TARBP1: variants seen among roughly 807,000 people sequenced by gnomAD.
TARBP1 encodes tRNA guanosine 2 -O-methyltransferase TARBP1, also known as tRNA (guanosine(18)-2'-O)-methyltransferase TARBP1.
Under a neutral mutation model 178.6 loss-of-function variants are expected in TARBP1, and 144 were observed. The ratio of observed to expected loss-of-function variants is 0.81; its 90% CI spans 0.70 to 0.93. The LOEUF (loss-of-function observed/expected upper bound fraction) is 0.93. TARBP1 is among the 40% of genes least tolerant of loss of function. TARBP1 has a pLI of 0.00. For synonymous variants in TARBP1, 787 were observed against 781.0 expected (o/e 1.01, Z -0.13); for missense variants, 2,067 against 2,011.7 (o/e 1.03, Z -0.53).
intron 20 of TARBP1, among the ~76,000 whole-genome samples, chr1:234,422,054 G>A (rs1018680963): frequency 1.3e-5 from 2 of 152,138 alleles, no homozygotes; most frequent in African/African-American, 4.8e-5. Flanking sequence ...ATATAGGTGT[G>A]TTTAGGTTTC....
At chr1:234,462,562 G>C (rs543875025) in intron 6 of TARBP1, among the ~76,000 whole-genome samples, 1 of 152,182 alleles carries the variant, frequency 6.6e-6, no homozygotes, top group African/African-American at 2.4e-5. Flanking sequence ...GGTGGCGCAT[G>C]CCTGTAGTCC....
chr1:234,455,968 C>T (rs1489893421), intron 9 of TARBP1, among the ~76,000 whole-genome samples: 1 of 151,952 alleles, frequency 6.6e-6, no homozygotes, highest in African/African-American at 2.4e-5. Flanking sequence ...CAGAGTAATG[C>T]AAATAAAGTC....
intron 22 of TARBP1, among the ~76,000 whole-genome samples, chr1:234,416,338 C>A (rs1662412971): frequency 6.6e-6 from 1 of 152,206 alleles, no homozygotes; most frequent in African/African-American, 2.4e-5. Flanking sequence ...CACTTTGATG[C>A]CATCTGGAGT....
At chr1:234,473,482 G>A (rs1669270521) in intron 1 of TARBP1, among the ~76,000 whole-genome samples, 1 of 152,242 alleles carries the variant, frequency 6.6e-6, no homozygotes, top group South Asian at 2.1e-4. Context: ...TACTGACAAA[G>A]GGGATTCAGC....
rs376534522 is a variant in TARBP1, at chr1:234,398,516, A to C, written c.4109T>G (p.Ile1370Ser). ...ATCAATGGTGATCCATTCATCTTCA[A>C]TAAGGCCTGAAAGGCGTGGAAGGAT... ...FYILPRLSGL[I>S]EDEWITIDKF... Residue 1370 changes from isoleucine (I) to serine (S), a missense_variant, in exon 26 of 30, where the codon ATT becomes AGT. Coordinates refer to ENST00000040877, the MANE Select transcript of TARBP1 (RefSeq NM_005646.4). The C allele has an allele frequency of 2.5e-6, 4 of 1,609,366 alleles. No homozygotes were observed. Among genetic ancestry groups the C allele is most frequent in the Non-Finnish European group, 3.4e-6 (4 of 1,177,120 alleles).
At chr1:234,404,677 T>C (rs887195262) in intron 24 of TARBP1, among the ~76,000 whole-genome samples, 1 of 152,156 alleles carries the variant, frequency 6.6e-6, no homozygotes, top group Non-Finnish European at 1.5e-5. Context: ...AAGGTCATTC[T>C]CCAGTATACA....
chr1:234,423,539 C>T (rs1194544219), intron 20 of TARBP1, among the ~76,000 whole-genome samples: 1 of 152,136 alleles, frequency 6.6e-6, no homozygotes. Flanking sequence ...TACTTAGATT[C>T]TCATCCCACC....
intron 22 of TARBP1, among the ~76,000 whole-genome samples, chr1:234,410,967 G>A (rs1661749837): frequency 6.6e-6 from 1 of 152,194 alleles, no homozygotes; most frequent in Non-Finnish European, 1.5e-5. Flanking sequence ...AGCTACTGGG[G>A]AGGCTGAGGT....
intron 23 of TARBP1, among the ~76,000 whole-genome samples, chr1:234,408,200 GT>G (rs543788841): frequency 0.039 from 5,569 of 143,416 alleles, 101 homozygotes; most frequent in South Asian, 0.085. Context: ...ATTAAGAAAG[GT>G]TTTTTTTTTT....
In TARBP1 at chr1:234,398,427, G is replaced by A; in HGVS notation, c.4198C>T (p.Gln1400Ter). ...AGFQWYLSQT[Q>*]LSKLKPGDWS... ...TCACCTGGTTTTAGTTTACTAAGTT[G>A]AGTTTGAGAAAGGTACCACTGAAAT... Residue 1400 changes from glutamine (Q) to a stop codon, truncating the protein, a stop_gained, in exon 26 of 30, where the codon CAA becomes TAA. Transcript: ENST00000040877. LOFTEE classifies it high-confidence loss of function. The A allele has an allele frequency of 1.2e-6, 2 of 1,611,272 alleles. No homozygotes were observed. Among genetic ancestry groups the A allele is most frequent in the Non-Finnish European group, 1.7e-6 (2 of 1,178,336 alleles).
rs147360193 is a variant in TARBP1, at chr1:234,432,399, G to A, written c.2394+1011C>T. Among the ~76,000 whole-genome samples, 596 of 152,204 alleles carry A rather than the reference G, an allele frequency of 3.9e-3. 2 individuals carry two copies. The highest frequency in any genetic ancestry group is 6.8e-3 in the Non-Finnish European group (462 of 68,004). On this transcript the variant is annotated intron_variant, in intron 14 of 29. Transcript: ENST00000040877. ...TGAGACTGCAGTGAGCCAAGATCAC[G>A]CCACTGCACTCGGTCTGGGTGACAG...
At chr1:234,409,788 A>G (rs1382643775) in intron 23 of TARBP1, among the ~76,000 whole-genome samples, 2 of 152,228 alleles carry the variant, frequency 1.3e-5, no homozygotes, top group African/African-American at 2.4e-5. Flanking sequence ...GTTTTCTCCT[A>G]GAGTTTATAG....
intron 20 of TARBP1, among the ~76,000 whole-genome samples, chr1:234,422,047 T>C (rs1663161689): frequency 6.6e-6 from 1 of 152,220 alleles, no homozygotes. Flanking sequence ...TCTTCTGATA[T>C]AGGTGTGTTT....
chr1:234,460,232 C>G, intron 7 of TARBP1, 29 bp downstream of exon 7: 1 of 1,577,384 alleles, frequency 6.3e-7, no homozygotes, highest in Non-Finnish European at 8.6e-7. Flanking sequence ...GGCAAATAAC[C>G]ATACAAGTAC....
intron 25 of TARBP1, among the ~76,000 whole-genome samples, chr1:234,399,136 G>A (rs1361264935): frequency 2.0e-5 from 3 of 152,198 alleles, no homozygotes. Flanking sequence ...TGACACCACT[G>A]TAAACAGTCA....
chr1:234,432,851 A>C (rs568792721), intron 14 of TARBP1, among the ~76,000 whole-genome samples: 1 of 152,340 alleles, frequency 6.6e-6, no homozygotes, highest in South Asian at 2.1e-4. Flanking sequence ...GAGGGCAATG[A>C]TGTCAGACTA....
chr1:234,475,042 GT>G (rs977415695), intron 1 of TARBP1, among the ~76,000 whole-genome samples: 2 of 152,216 alleles, frequency 1.3e-5, no homozygotes, highest in Admixed American at 6.5e-5. Context: ...ATTTTGACAA[GT>G]TTTTAAAGAC....
chr1:234,435,313 C>T (rs949328358), intron 13 of TARBP1, among the ~76,000 whole-genome samples: 2 of 140,596 alleles, frequency 1.4e-5, no homozygotes, highest in Non-Finnish European at 3.1e-5. Flanking sequence ...CAAAAATCTA[C>T]TAAAAATACA....
chr1:234,391,770 T>C (rs1659391159), intron 29 of TARBP1, 25 bp from the exon 30 acceptor site: 1 of 1,602,456 alleles, frequency 6.2e-7, no homozygotes, highest in Non-Finnish European at 8.5e-7. Flanking sequence ...GGAAGAAAGA[T>C]TAGTTTTCCT....
Sources: gnomAD v4.1 joint callset for allele counts (sites outside exome capture counted in the v4.1 genomes callset) on GRCh38, gnomAD v4.1.1 for gene constraint, MANE v1.5 for transcripts, NCBI Gene and HGNC (gene_info 2026-07-23, HGNC 2026-07-21) for gene names.